Variants in POLR3A observed in about 807,000 individuals in gnomAD.
The protein encoded by POLR3A is RNA polymerase III subunit A, also known as DNA-directed RNA polymerase III subunit RPC1.
A neutral mutation model predicts 152.8 loss-of-function variants in POLR3A; 112 were observed. That is an observed-to-expected ratio of 0.73 (90% CI 0.63 to 0.86). The LOEUF is 0.86. POLR3A is among the 40% of genes least tolerant of loss of function. The probability of loss-of-function intolerance (pLI) is 0.00; values close to 1 mark genes in which losing one functional copy is unlikely to be tolerated. For synonymous variants in POLR3A, 615 were observed against 652.1 expected (o/e 0.94, Z 0.87); for missense variants, 1,385 against 1,743.1 (o/e 0.79, Z 3.66).
At chr10:78,002,090 T>C in intron 17 of POLR3A, 107 bp downstream of exon 17, 1 of 671,268 alleles carries the variant, frequency 1.5e-6, no homozygotes, top group South Asian at 1.9e-5. Flanking sequence ...AAAAGATCCC[T>C]TAAATAAATG....
At chr10:78,013,342 C>G (rs1048105308) in intron 11 of POLR3A, 6 of 382,114 alleles carry the variant, frequency 1.6e-5, no homozygotes, top group Non-Finnish European at 2.5e-5. Context: ...CTTTTCTTAC[C>G]TTGTCATAAC....
chr10:78,024,490 A>ACGTG, intron 5 of POLR3A, 59 bp downstream of exon 5: 1 of 1,575,510 alleles, frequency 6.3e-7, no homozygotes, highest in South Asian at 1.1e-5. Context: ...TGTGCATGTG[A>ACGTG]CGTGCGGAAG....
At chr10:77,993,032 G>A (rs537798533) in intron 20 of POLR3A, among the ~76,000 whole-genome samples, 165 bp downstream of exon 20, 2 of 152,006 alleles carry the variant, frequency 1.3e-5, no homozygotes, top group South Asian at 2.1e-4. Context: ...TTTTAATATC[G>A]GAAAATTATA....
intron 5 of POLR3A, among the ~76,000 whole-genome samples, chr10:78,022,698 A>C (rs1323609338): frequency 6.6e-6 from 1 of 152,244 alleles, no homozygotes; most frequent in Non-Finnish European, 1.5e-5. Flanking sequence ...CAGAATAGGA[A>C]GGTAATAAAA....
At chr10:77,986,334 G>T (rs1847198233) in intron 21 of POLR3A, among the ~76,000 whole-genome samples, 175 bp from the exon 22 acceptor site, 1 of 152,090 alleles carries the variant, frequency 6.6e-6, no homozygotes, top group Non-Finnish European at 1.5e-5. Context: ...GGTTTTCCAA[G>T]GAACACACCA....
chr10:77,994,273 A>G (rs1220856837), intron 19 of POLR3A, among the ~76,000 whole-genome samples: 3 of 152,174 alleles, frequency 2.0e-5, no homozygotes, highest in Admixed American at 2.0e-4. Context: ...TGATGGAAAT[A>G]GGCGTCTACT....
In POLR3A at chr10:77,999,986, T is replaced by C; in HGVS notation, c.2611A>G (p.Met871Val). Residue 871 changes from methionine (M) to valine (V), a missense_variant, in exon 19 of 31, where the codon ATG (methionine) becomes GTG (valine). Coordinates refer to ENST00000372371, the MANE Select transcript of POLR3A (RefSeq NM_007055.4). Reference protein sequence around the residue: ...TAVKTAETGYMQRRLVKSLED... With the variant: ...TAVKTAETGYVQRRLVKSLED... Reference sequence around the variant, plus strand: ...CCTACATTTCTTCAGGTTACCTGCATGTATCCCGTTTCAGCTGTCTTTACA... The same window carrying C: ...CCTACATTTCTTCAGGTTACCTGCACGTATCCCGTTTCAGCTGTCTTTACA... 3 of 1,614,158 alleles carry C rather than the reference T, an allele frequency of 1.9e-6. No homozygotes were observed. The highest frequency in any genetic ancestry group is 1.7e-6 in the Non-Finnish European group (2 of 1,179,986).
chr10:78,011,035 A>G (rs117563052), intron 11 of POLR3A, among the ~76,000 whole-genome samples: 1 of 151,984 alleles, frequency 6.6e-6, no homozygotes, highest in Non-Finnish European at 1.5e-5. Flanking sequence ...TTTTGTGGAG[A>G]CGGGGTCTTA....
intron 26 of POLR3A, among the ~76,000 whole-genome samples, chr10:77,983,049 C>T (rs1261023122): frequency 4.6e-5 from 7 of 152,050 alleles, no homozygotes; most frequent in African/African-American, 1.7e-4. Context: ...AAAATATTTG[C>T]CCTTGAAAAT....
At chr10:78,015,389 G>A (rs144256798) in intron 10 of POLR3A, among the ~76,000 whole-genome samples, 1,517 of 145,212 alleles carry the variant, frequency 0.01, 34 homozygotes, top group African/African-American at 0.037. Context: ...GTGCAGTGGC[G>A]CAATCTCGGC....
At chr10:77,985,490 T>C in intron 23 of POLR3A, 150 bp from the exon 24 acceptor site, 1 of 695,650 alleles carries the variant, frequency 1.4e-6, no homozygotes, top group Non-Finnish European at 2.5e-6. Context: ...AGAAAAAGCC[T>C]GGCATAGACC....
intron 19 of POLR3A, among the ~76,000 whole-genome samples, chr10:77,997,518 G>GACAA (rs1220752955): frequency 4.6e-5 from 7 of 151,206 alleles, no homozygotes; most frequent in African/African-American, 7.3e-5. Flanking sequence ...ACCAATAACA[G>GACAA]ACAGAGAGCC....
chr10:77,991,143 G>A lies in POLR3A; in HGVS notation c.2812C>T (p.Pro938Ser), dbSNP rs747949344. 2.5e-6 allele frequency: 4 copies of A among 1,611,830 alleles called. No individual in the cohort carries two copies. Among genetic ancestry groups the A allele is most frequent in the Non-Finnish European group, 3.4e-6 (4 of 1,177,954 alleles). Residue 938 changes from proline (P) to serine (S), a missense_variant, in exon 21 of 31, where the codon CCT becomes TCT. Pro to Ser is a moderately conservative substitution (Grantham distance 74). Coordinates refer to ENST00000372371, the MANE Select transcript of POLR3A (RefSeq NM_007055.4). Reference sequence around the variant, plus strand: ...ATCAGCTCGTTTTTGCTGAGAGCAGGCTCACTGGGACACGGGAAGACTGCC... The same window carrying A: ...ATCAGCTCGTTTTTGCTGAGAGCAGACTCACTGGGACACGGGAAGACTGCC... ...IKAVFPCPSE[P>S]ALSKNELILT... is the part of the protein sequence containing the mutation.
chr10:78,024,793 C>G, intron 4 of POLR3A, 90 bp from the exon 5 acceptor site: 1 of 1,362,582 alleles, frequency 7.3e-7, no homozygotes, highest in Admixed American at 1.7e-5. Flanking sequence ...ATTACTGAAA[C>G]TACTATAGCA....
At position 78,024,981 on chromosome 10, in the gene POLR3A, G is replaced by A. The variant is rs774490271; in HGVS notation, c.480C>T (p.Gly160=). Residue 160 remains glycine, a synonymous_variant, in exon 4 of 31, where the codon GGC becomes GGT. Coordinates refer to ENST00000372371, the MANE Select transcript of POLR3A (RefSeq NM_007055.4). Reference sequence around the variant, plus strand: ...GTGCATTCCACTCACCATTAAAAGCGCCACAGTGATGGCAGATGTTTTTCT... The same window carrying A: ...GTGCATTCCACTCACCATTAAAAGCACCACAGTGATGGCAGATGTTTTTCT... The part of the protein sequence containing the change: ...CRKKNICHHC[G]AFNGTVKKCG... 5.6e-6 allele frequency: 9 copies of A among 1,614,016 alleles called. No homozygotes were observed. The highest frequency in any genetic ancestry group is 4.0e-5 in the African/African-American group (3 of 74,914).
In POLR3A at chr10:77,983,687, C is replaced by T. The variant is rs17441503; in HGVS notation, c.3429+233G>A. 0.02 allele frequency among the ~76,000 whole-genome samples: 3,079 copies of T among 152,234 alleles called. 48 individuals carry two copies. The highest frequency in any genetic ancestry group is 0.041 in the Middle Eastern group (12 of 292). On this transcript the variant is annotated intron_variant, in intron 26 of 30. Transcript: ENST00000372371. ...ACCGTGTCACAGTGAACTGGTATTG[C>T]GGTCTGCACAAAATTTCAACTAATT...
Position 77,982,745 on chromosome 10 carries a change from G to C in POLR3A, c.3502C>G (p.His1168Asp). ...LRVKPGDVAV[H>D]GEAVVCVTPR... ...GTGACACACACCACAGCCTCACCAT[G>C]AACAGCCACATCACCGGGCTTCACA... The change falls in exon 27 of 31, where the codon CAT becomes GAT. Residue 1168 changes from histidine to aspartate, a missense_variant. Transcript: ENST00000372371. 6.2e-7 allele frequency: 1 copy of C among 1,613,902 alleles called. No individual in the cohort carries two copies. Among genetic ancestry groups the C allele is most frequent in the South Asian group, 1.1e-5 (1 of 91,056 alleles).
At position 78,000,984 on chromosome 10, in the gene POLR3A, G is replaced by T. The variant is rs1365082077; in HGVS notation, c.2470C>A (p.His824Asn). The T allele has an allele frequency of 3.8e-6, 6 of 1,565,480 alleles. No homozygotes were observed. The highest frequency in any genetic ancestry group is 1.7e-4 in the Middle Eastern group (1 of 5,968). The change falls in exon 18 of 31, where the codon CAC (histidine) becomes AAC (asparagine). Residue 824 changes from histidine to asparagine, a missense_variant. Physicochemically the swap from His to Asn is moderately conservative, Grantham distance 68 (BLOSUM62 1). This residue lies in a region of POLR3A where 170 missense variants were observed against 231.2 expected (regional missense o/e 0.74). Coordinates refer to ENST00000372371, the MANE Select transcript of POLR3A (RefSeq NM_007055.4). ...GATCTGCTACTGCTTACCTTTGAGT[G>T]TTTTTCAAAATGAGGCAAGGACCTG... ...ENRSLPHFEKHSKLPAAKGFV... is the reference protein window; with the variant it reads ...ENRSLPHFEKNSKLPAAKGFV...
At position 78,029,305 on chromosome 10, in the gene POLR3A, C is replaced by G. The variant is rs983965712; in HGVS notation, c.44+59G>C. The G allele has an allele frequency of 1.4e-5, 22 of 1,570,124 alleles. No homozygotes were observed. The African/African-American group carries it at 2.6e-4, about 18-fold the overall frequency. Reference sequence around the variant, plus strand: ...TCTGACCCTGCAAGACCCGGGACCGCTGACCTCGGACCCCTTGCCCTATTT... The same window carrying G: ...TCTGACCCTGCAAGACCCGGGACCGGTGACCTCGGACCCCTTGCCCTATTT... On this transcript the variant is annotated intron_variant, in intron 1 of 30. Transcript: ENST00000372371.
Sources: gnomAD v4.1 joint callset for allele counts (sites outside exome capture counted in the v4.1 genomes callset) on GRCh38, gnomAD v4.1.1 for gene constraint, gnomAD v4.1.1 regional missense constraint, MANE v1.5 for transcripts, NCBI Gene and HGNC (gene_info 2026-07-23, HGNC 2026-07-21) for gene names.